RYR2: variants seen among roughly 807,000 people sequenced by gnomAD.
The protein encoded by RYR2 is ryanodine receptor 2, also known as cardiac muscle ryanodine receptor-calcium release channel.
RYR2 carries 227 observed loss-of-function variants against 601.1 expected under a neutral mutation model. The ratio of observed to expected loss-of-function variants is 0.38; its 90% CI spans 0.34 to 0.42. The LOEUF is 0.42. RYR2 is among the 10% of genes least tolerant of loss of function. RYR2 has a pLI of 1.00. For synonymous variants in RYR2, 2,223 were observed against 2,175.1 expected (o/e 1.02, Z -0.61); for missense variants, 4,646 against 6,156.5 (o/e 0.75, Z 8.21).
At chr1:237,351,854 C>CAAAAAAAAA (rs33955032) in intron 3 of RYR2, among the ~76,000 whole-genome samples, 3 of 40,932 alleles carry the variant, frequency 7.3e-5, no homozygotes, top group Non-Finnish European at 9.4e-5. Flanking sequence ...AAAGACCATG[C>CAAAAAAAAA]AAAAAAAAAA....
chr1:237,789,844 T>G (rs1234486993), intron 92 of RYR2, among the ~76,000 whole-genome samples: 3 of 152,314 alleles, frequency 2.0e-5, no homozygotes, highest in African/African-American at 7.2e-5. Context: ...CCTTTTCCCC[T>G]AAGTGAGAGC....
intron 15 of RYR2, among the ~76,000 whole-genome samples, chr1:237,455,939 T>C (rs1469458959): frequency 1.3e-5 from 2 of 152,194 alleles, no homozygotes. Flanking sequence ...TTAGTTTTTT[T>C]CCCAACTTCT....
intron 17 of RYR2, among the ~76,000 whole-genome samples, chr1:237,479,759 G>T (rs573287594): frequency 6.6e-6 from 1 of 152,150 alleles, no homozygotes; most frequent in Non-Finnish European, 1.5e-5. Context: ...ATTGTGCAAC[G>T]AAGGAAATCT....
chr1:237,421,771 ACTGT>A, intron 11 of RYR2, among the ~76,000 whole-genome samples: 1 of 152,202 alleles, frequency 6.6e-6, no homozygotes, highest in East Asian at 1.9e-4. Context: ...TCCAGTGTAA[ACTGT>A]CTTTTAAAAA....
At chr1:237,525,081 A>G (rs890862428) in intron 24 of RYR2, among the ~76,000 whole-genome samples, 1 of 152,160 alleles carries the variant, frequency 6.6e-6, no homozygotes, top group Non-Finnish European at 1.5e-5. Context: ...AATAGTCAAC[A>G]TTGTACTTGA....
Position 237,337,906 on chromosome 1 carries a change from G to A in RYR2, c.273+6924G>A, listed in dbSNP as rs566583437. On this transcript the variant is annotated intron_variant, in intron 3 of 104. Transcript: ENST00000366574. ...CAACATACATTTATTATTTTCTAGC[G>A]TTAGAGGTCACAAGTCTAAAATCAA... Among the ~76,000 whole-genome samples, 16 of 152,264 alleles carry A rather than the reference G, an allele frequency of 1.1e-4. 1 individual carries two copies. The highest frequency in any genetic ancestry group is 3.6e-4 in the African/African-American group (15 of 41,554).
intron 27 of RYR2, among the ~76,000 whole-genome samples, chr1:237,565,211 CTTTCTTTCTTTCTTTT>C (rs1559036225): frequency 3.9e-5 from 3 of 76,400 alleles, no homozygotes; most frequent in South Asian, 4.3e-4. Context: ...TTCTTTCTTT[CTTTCTTTCTTTCTTTT>C]GTCTTTCTTT....
intron 1 of RYR2, among the ~76,000 whole-genome samples, chr1:237,098,093 A>C (rs1042645852): frequency 6.6e-5 from 10 of 152,184 alleles, no homozygotes; most frequent in Non-Finnish European, 1.3e-4. Flanking sequence ...GAATGGTAAA[A>C]ATGCAATTAT....
At chr1:237,462,523 A>G (rs958211628) in intron 16 of RYR2, among the ~76,000 whole-genome samples, 3 of 152,222 alleles carry the variant, frequency 2.0e-5, no homozygotes, top group Non-Finnish European at 4.4e-5. Flanking sequence ...ATGATTTTCT[A>G]AAGATGTCTG....
At chr1:237,793,446 A>G (rs1426916458) in intron 94 of RYR2, among the ~76,000 whole-genome samples, 1 of 152,244 alleles carries the variant, frequency 6.6e-6, no homozygotes, top group African/African-American at 2.4e-5. Flanking sequence ...GCATGAAATT[A>G]TTAAAGAGGT....
chr1:237,541,584 C>T lies in RYR2; in HGVS notation c.2907-6847C>T, dbSNP rs146883800. On this transcript the variant is annotated intron_variant, in intron 25 of 104. Coordinates refer to ENST00000366574, the MANE Select transcript of RYR2 (RefSeq NM_001035.3). Reference sequence around the variant, plus strand: ...TTCCTCATTGGAACATTTTCATGCGCGTCCGTGTGAAGAGACCACCAAACA... The same window carrying T: ...TTCCTCATTGGAACATTTTCATGCGTGTCCGTGTGAAGAGACCACCAAACA... Among the ~76,000 whole-genome samples, 678 of 152,162 alleles carry T rather than the reference C, an allele frequency of 4.5e-3. 18 individuals carry two copies. The East Asian group carries it at 0.079, about 18-fold the overall frequency.
chr1:237,086,677 TG>T (rs1169229083), intron 1 of RYR2, among the ~76,000 whole-genome samples: 3 of 152,098 alleles, frequency 2.0e-5, no homozygotes, highest in Admixed American at 6.5e-5. Context: ...CACAATATCA[TG>T]GGTACCCTGT....
chr1:237,083,766 T>TA (rs2148414454), intron 1 of RYR2, among the ~76,000 whole-genome samples: 1 of 152,272 alleles, frequency 6.6e-6, no homozygotes, highest in East Asian at 1.9e-4. Flanking sequence ...TTACTGGCCT[T>TA]ACCACTCACT....
At chr1:237,163,369 C>A (rs1221582359) in intron 1 of RYR2, among the ~76,000 whole-genome samples, 1 of 147,088 alleles carries the variant, frequency 6.8e-6, no homozygotes, top group Non-Finnish European at 1.5e-5. Flanking sequence ...CCCCCACCCC[C>A]ACCCCTCCAC....
chr1:237,670,123 C>CT (rs1337916500), intron 58 of RYR2, among the ~76,000 whole-genome samples: 1 of 151,996 alleles, frequency 6.6e-6, no homozygotes, highest in Non-Finnish European at 1.5e-5. Context: ...CCCGTCTCCA[C>CT]CAAAAAAATA....
intron 1 of RYR2, among the ~76,000 whole-genome samples, chr1:237,264,700 T>A (rs1042837936): frequency 0.014 from 1,478 of 103,350 alleles, 27 homozygotes; most frequent in East Asian, 0.064. Flanking sequence ...ATTATTATTA[T>A]TTTTTTTTTT....
At chr1:237,367,523 G>A (rs987841641) in intron 5 of RYR2, among the ~76,000 whole-genome samples, 2 of 152,152 alleles carry the variant, frequency 1.3e-5, no homozygotes, top group Non-Finnish European at 1.5e-5. Context: ...CAACAAGAAT[G>A]TGATATTTGT....
intron 83 of RYR2, among the ~76,000 whole-genome samples, chr1:237,760,638 A>G (rs1236969481): frequency 1.3e-5 from 2 of 152,148 alleles, no homozygotes; most frequent in African/African-American, 4.8e-5. Flanking sequence ...GTAAGAAGCT[A>G]TTCCAACTGC....
chr1:237,817,663 G>A (rs1454974290), intron 100 of RYR2, among the ~76,000 whole-genome samples: 1 of 152,154 alleles, frequency 6.6e-6, no homozygotes, highest in East Asian at 1.9e-4. Context: ...GTCCCCCAAG[G>A]GAGTGTCCTA....
Sources: gnomAD v4.1 joint callset for allele counts (sites outside exome capture counted in the v4.1 genomes callset) on GRCh38, gnomAD v4.1.1 for gene constraint, MANE v1.5 for transcripts, NCBI Gene and HGNC (gene_info 2026-07-23, HGNC 2026-07-21) for gene names.